Variants in DAOA observed in about 807,000 individuals in gnomAD.
DAOA encodes the protein D-amino acid oxidase activator.
A neutral mutation model predicts 16.4 loss-of-function variants in DAOA; 15 were observed. The ratio of observed to expected loss-of-function variants is 0.91; its 90% CI spans 0.61 to 1.41. The LOEUF (loss-of-function observed/expected upper bound fraction) is 1.41, where lower values mean the gene tolerates loss of function less well. DAOA is among the 40% of genes most tolerant of loss of function. The pLI, the probability that DAOA is intolerant of heterozygous loss-of-function variation, is 0.00. For missense variants in DAOA, 230 were observed against 176.8 expected (o/e 1.30, Z -1.71); for synonymous variants, 75 against 59.1 (o/e 1.27, Z -1.23).
intron 2 of DAOA, 26 bp from the exon 3 acceptor site, chr13:105,467,027 C>T (rs183821237): frequency 3.2e-5 from 51 of 1,604,900 alleles, no homozygotes; most frequent in Admixed American, 2.2e-4. Context: ...AATCTGAACA[C>T]GACTGATATT....
Position 105,466,331 on chromosome 13 carries a change from A to G in DAOA, c.43A>G (p.Arg15Gly), listed in dbSNP as rs761496382. Residue 15 changes from arginine to glycine, a missense_variant and splice_region_variant, in exon 2 of 6, where the codon AGA becomes GGA. Physicochemically the swap from Arg to Gly is moderately radical, Grantham distance 125 (BLOSUM62 -2). Coordinates refer to ENST00000375936, the MANE Select transcript of DAOA (RefSeq NM_172370.5). ...LMGADSLQLF[R>G]SRYTLGKIYF... ...GGGTGCTGATTCTCTCCAGCTTTTCAGGTAGGTAGCTTGGGGTTTTTTACA... is the reference window on the plus strand; with the variant it reads ...GGGTGCTGATTCTCTCCAGCTTTTCGGGTAGGTAGCTTGGGGTTTTTTACA... 11 of 1,613,904 alleles carry G rather than the reference A, an allele frequency of 6.8e-6. 1 individual carries two copies. Among genetic ancestry groups the G allele is most frequent in the African/African-American group, 1.3e-5 (1 of 74,914 alleles).
intron 4 of DAOA, among the ~76,000 whole-genome samples, chr13:105,487,473 G>A (rs1453414592): frequency 6.6e-6 from 1 of 151,724 alleles, no homozygotes; most frequent in East Asian, 1.9e-4. Flanking sequence ...CCTGTCTTTG[G>A]AATTTACATT....
chr13:105,474,498 A>G (rs1456965945), intron 4 of DAOA, among the ~76,000 whole-genome samples: 1 of 152,094 alleles, frequency 6.6e-6, no homozygotes, highest in African/African-American at 2.4e-5. Context: ...AATAAATGAC[A>G]ATGTTCTATC....
chr13:105,470,613 A>C (rs1876862603), intron 3 of DAOA, among the ~76,000 whole-genome samples: 1 of 151,938 alleles, frequency 6.6e-6, no homozygotes. Flanking sequence ...TTATTTGTTT[A>C]TTTTAAATTA....
chr13:105,466,550 A>C (rs1370488786), intron 2 of DAOA: 1 of 675,768 alleles, frequency 1.5e-6, no homozygotes. Context: ...AATGAGGAGG[A>C]GACATAGGCC....
Position 105,490,153 on chromosome 13 carries a change from C to G in DAOA, c.*72C>G, listed in dbSNP as rs1384767164. The G allele has an allele frequency of 2.7e-6, 4 of 1,475,196 alleles. No individual in the cohort carries two copies. Among genetic ancestry groups the G allele is most frequent in the Non-Finnish European group, 3.6e-6 (4 of 1,108,010 alleles). 91.4% of individuals were successfully genotyped at this position (1,475,196 alleles called of 1,614,324 possible). ...GTCTGGCCAACATCTTCACTGGACT[C>G]TGACGGACTCTGTGTCTGGGACCCA... On this transcript the variant is annotated 3_prime_UTR_variant, in exon 5 of 6. Coordinates refer to ENST00000375936, the MANE Select transcript of DAOA (RefSeq NM_172370.5).
At chr13:105,471,280 A>G (rs1876936470) in intron 3 of DAOA, among the ~76,000 whole-genome samples, 1 of 152,204 alleles carries the variant, frequency 6.6e-6, no homozygotes, top group African/African-American at 2.4e-5. Context: ...CTATACAGAG[A>G]ATAATATTGG....
chr13:105,489,791 G>A (rs1309514499), intron 4 of DAOA, 110 bp from the exon 5 acceptor site: 3 of 1,608,178 alleles, frequency 1.9e-6, no homozygotes, highest in South Asian at 2.2e-5. Context: ...AATGTGGGCA[G>A]GAGCTGGGAC....
At chr13:105,489,707 G>T in intron 4 of DAOA, 194 bp from the exon 5 acceptor site, 2 of 1,199,426 alleles carry the variant, frequency 1.7e-6, no homozygotes, top group Non-Finnish European at 1.1e-6. Flanking sequence ...TGTAGTTGTG[G>T]CAGTTAGACC....
intron 3 of DAOA, among the ~76,000 whole-genome samples, chr13:105,468,628 C>A (rs566517263): frequency 1.8e-4 from 28 of 152,288 alleles, no homozygotes; most frequent in African/African-American, 6.7e-4. Context: ...AAAGTCTAAT[C>A]AATGCCTGGT....
Position 105,476,827 on chromosome 13 carries a change from G to C in DAOA, c.281+4142G>C, listed in dbSNP as rs960280325. 1.3e-4 allele frequency among the ~76,000 whole-genome samples: 19 copies of C among 151,854 alleles called. No homozygotes were observed. In the East Asian group the frequency reaches 3.7e-3, roughly 30 times the overall value. On this transcript the variant is annotated intron_variant, in intron 4 of 5. Coordinates refer to ENST00000375936, the MANE Select transcript of DAOA (RefSeq NM_172370.5). ...CCAGTCCCTGCCTCAGTTTCTCCAG[G>C]CTCCCATTGATTGGTGTCAAGCACA...
At chr13:105,471,031 G>A (rs1472516245) in intron 3 of DAOA, among the ~76,000 whole-genome samples, 2 of 151,968 alleles carry the variant, frequency 1.3e-5, no homozygotes, top group African/African-American at 2.4e-5. Flanking sequence ...CTTGTGATCC[G>A]CCCGCCTCGG....
intron 2 of DAOA, 170 bp downstream of exon 2, chr13:105,466,502 T>C: frequency 6.3e-6 from 7 of 1,112,002 alleles, no homozygotes; most frequent in Non-Finnish European, 8.7e-6. Context: ...CCATATTCTG[T>C]CAGTCAAAGG....
chr13:105,466,154 AC>A (rs1379465338), intron 1 of DAOA, 61 bp from the exon 2 acceptor site: 1 of 1,381,418 alleles, frequency 7.2e-7, no homozygotes, highest in Non-Finnish European at 9.8e-7. Flanking sequence ...AAAGAGCTAC[AC>A]CCCAAATTAG....
intron 4 of DAOA, among the ~76,000 whole-genome samples, chr13:105,485,541 G>A (rs772223700): frequency 1.1e-4 from 17 of 152,050 alleles, no homozygotes; most frequent in African/African-American, 4.1e-4. Context: ...CCCCTGTTTG[G>A]GGTTAAACTA....
intron 4 of DAOA, among the ~76,000 whole-genome samples, chr13:105,483,362 AC>A (rs1201483272): frequency 6.6e-6 from 1 of 152,186 alleles, no homozygotes; most frequent in Non-Finnish European, 1.5e-5. Flanking sequence ...ATGGGTAAAT[AC>A]CTAGATCAAT....
intron 4 of DAOA, among the ~76,000 whole-genome samples, chr13:105,487,757 T>G (rs903165803): frequency 6.6e-6 from 1 of 152,190 alleles, no homozygotes; most frequent in Middle Eastern, 3.2e-3. Context: ...TCCAAATGCC[T>G]TCTTTTGTTT....
In DAOA at chr13:105,466,365, GCCT is replaced by G; in HGVS notation, c.44+35_44+37del. On this transcript the variant is annotated intron_variant, in intron 2 of 5. Coordinates refer to ENST00000375936, the MANE Select transcript of DAOA (RefSeq NM_172370.5). Reference sequence around the variant, plus strand: ...GCTTGGGGTTTTTTACAGCATGGCGGCCTCAGTGCAATGTGACATTTGCATGGC... The same window carrying G: ...GCTTGGGGTTTTTTACAGCATGGCGGCAGTGCAATGTGACATTTGCATGGC... 9 of 1,613,712 alleles carry G rather than the reference GCCT, an allele frequency of 5.6e-6. No individual in the cohort carries two copies. The South Asian group carries it at 9.9e-5, about 18-fold the overall frequency.
chr13:105,469,681 A>G (rs1298170429), intron 3 of DAOA, among the ~76,000 whole-genome samples: 1 of 152,182 alleles, frequency 6.6e-6, no homozygotes, highest in African/African-American at 2.4e-5. Flanking sequence ...GTAAATTCAA[A>G]TGGTCTTTTT....
Sources: allele counts gnomAD v4.1 joint callset (sites outside exome capture counted in the v4.1 genomes callset), GRCh38; gene constraint gnomAD v4.1.1; transcripts MANE v1.5; gene names NCBI Gene and HGNC (gene_info 2026-07-23, HGNC 2026-07-21).